ZNF385D: variants seen among roughly 807,000 people sequenced by gnomAD.
ZNF385D encodes zinc finger protein 659.
A neutral mutation model predicts 35.8 loss-of-function variants in ZNF385D; 15 were observed. The observed-to-expected ratio is 0.42, with a 90% CI of 0.28 to 0.64. The LOEUF is 0.64. Among genes scored for constraint, ZNF385D ranks in the 30% least tolerant of loss-of-function variants. The pLI is 0.23. For missense variants in ZNF385D, 474 were observed against 494.6 expected (o/e 0.96, Z 0.39); for synonymous variants, 212 against 186.8 (o/e 1.13, Z -1.10).
At chr3:21,501,611 T>A (rs1163423014) in intron 4 of ZNF385D, among the ~76,000 whole-genome samples, 3 of 152,256 alleles carry the variant, frequency 2.0e-5, no homozygotes, top group African/African-American at 7.2e-5. Context: ...ATTGTCTGCA[T>A]GTTTTCATAG....
intron 3 of ZNF385D, among the ~76,000 whole-genome samples, chr3:22,119,073 T>C (rs187892810): frequency 2.6e-5 from 4 of 152,222 alleles, no homozygotes; most frequent in African/African-American, 7.2e-5. Context: ...AGGAATCAAG[T>C]CCAGATTAAC....
intron 3 of ZNF385D, among the ~76,000 whole-genome samples, chr3:21,925,878 C>A (rs775321185): frequency 2.0e-5 from 3 of 152,108 alleles, no homozygotes; most frequent in African/African-American, 4.8e-5. Context: ...AATGAAAAGG[C>A]ATTTAGCATC....
intron 3 of ZNF385D, among the ~76,000 whole-genome samples, chr3:21,954,776 G>A (rs934318943): frequency 6.6e-6 from 1 of 152,070 alleles, no homozygotes; most frequent in Non-Finnish European, 1.5e-5. Context: ...TTGGAATAAT[G>A]TTAGACATCC....
rs5847128 is a variant in ZNF385D, at chr3:21,703,664, CAA to C, written c.23-38638_23-38637del. ...ATAGCTCATGCTCTTTATCCTCTTA[CAA>C]AAAAAAAAAAATGGCATTCTCCTGT... On this transcript the variant is annotated intron_variant, in intron 1 of 7. Coordinates refer to ENST00000281523, the MANE Select transcript of ZNF385D (RefSeq NM_024697.3). Among the ~76,000 whole-genome samples the C allele has an allele frequency of 8.2e-3, 1,226 of 149,392 alleles. 14 individuals are homozygous for C. Among genetic ancestry groups the C allele is most frequent in the African/African-American group, 0.026 (1,036 of 40,436 alleles).
intron 3 of ZNF385D, among the ~76,000 whole-genome samples, chr3:22,154,906 C>G (rs1705491048): frequency 6.6e-6 from 1 of 152,100 alleles, no homozygotes; most frequent in East Asian, 1.9e-4. Flanking sequence ...TCAAAAGGAG[C>G]ATGATATTAT....
At chr3:22,073,839 C>T (rs1259679918) in intron 3 of ZNF385D, among the ~76,000 whole-genome samples, 1 of 151,906 alleles carries the variant, frequency 6.6e-6, no homozygotes, top group Non-Finnish European at 1.5e-5. Flanking sequence ...TTTATTTATA[C>T]TGAGAAGCAT....
At chr3:21,959,266 A>G (rs1702453151) in intron 3 of ZNF385D, among the ~76,000 whole-genome samples, 1 of 152,198 alleles carries the variant, frequency 6.6e-6, no homozygotes, top group African/African-American at 2.4e-5. Context: ...TAAGAAAAAC[A>G]CACTTCAAAT....
At chr3:21,978,451 C>T (rs746550029) in intron 3 of ZNF385D, among the ~76,000 whole-genome samples, 1 of 152,150 alleles carries the variant, frequency 6.6e-6, no homozygotes, top group Non-Finnish European at 1.5e-5. Context: ...AAACATAACC[C>T]AGGAACTATG....
intron 3 of ZNF385D, among the ~76,000 whole-genome samples, chr3:21,912,771 T>A (rs1232741471): frequency 6.6e-6 from 1 of 152,074 alleles, no homozygotes; most frequent in East Asian, 1.9e-4. Flanking sequence ...CATTTGGACC[T>A]TCTTAGAAAA....
rs913926880 is a variant in ZNF385D, at chr3:21,781,525, A to C, written c.326-116497T>G. Among the ~76,000 whole-genome samples the C allele has an allele frequency of 3.3e-5, 5 of 152,180 alleles. No individual in the cohort carries two copies. The East Asian group carries it at 7.7e-4, about 24-fold the overall frequency. On this transcript the variant is annotated intron_variant, in intron 3 of 5. Coordinates refer to the ZNF385D transcript ENST00000494108. ...TGTGTCATATTTTGAGAAAACAAAT[A>C]ATTCTTTATGGAAAGCTTTTTTGAA...
chr3:22,150,972 C>G (rs915591005), intron 3 of ZNF385D, among the ~76,000 whole-genome samples: 3 of 151,988 alleles, frequency 2.0e-5, no homozygotes, highest in Non-Finnish European at 4.4e-5. Flanking sequence ...TCAGATTGGC[C>G]CAAGACCCAG....
At chr3:22,058,153 G>T (rs1317077154) in intron 3 of ZNF385D, among the ~76,000 whole-genome samples, 3 of 151,960 alleles carry the variant, frequency 2.0e-5, no homozygotes, top group African/African-American at 7.2e-5. Flanking sequence ...TTAAAGTATT[G>T]GTAACTCATA....
chr3:21,477,996 G>A (rs1322594222), intron 4 of ZNF385D, among the ~76,000 whole-genome samples: 1 of 152,070 alleles, frequency 6.6e-6, no homozygotes, highest in Non-Finnish European at 1.5e-5. Flanking sequence ...GAATCTTCAG[G>A]AATGTGCATT....
chr3:21,691,619 T>C (rs1421385688), intron 1 of ZNF385D, among the ~76,000 whole-genome samples: 1 of 152,182 alleles, frequency 6.6e-6, no homozygotes, highest in Non-Finnish European at 1.5e-5. Context: ...CAAGATTGTG[T>C]GTAGCTATTT....
chr3:21,772,195 G>T (rs894828261), intron 3 of ZNF385D, among the ~76,000 whole-genome samples: 1 of 151,802 alleles, frequency 6.6e-6, no homozygotes. Flanking sequence ...TCACAGAAAA[G>T]GCATAGGAAA....
At chr3:21,791,946 G>A (rs1240657586) in intron 3 of ZNF385D, among the ~76,000 whole-genome samples, 1 of 152,068 alleles carries the variant, frequency 6.6e-6, no homozygotes, top group Non-Finnish European at 1.5e-5. Context: ...TCTTGGCTAG[G>A]ATGGTCTCGA....
At chr3:21,648,674 A>G (rs567318228) in intron 2 of ZNF385D, among the ~76,000 whole-genome samples, 100 of 152,276 alleles carry the variant, frequency 6.6e-4, no homozygotes, top group African/African-American at 2.3e-3. Context: ...ATATCCCATA[A>G]TAGGAATTCA....
intron 3 of ZNF385D, among the ~76,000 whole-genome samples, chr3:21,802,069 G>A (rs1283092746): frequency 6.6e-6 from 1 of 152,110 alleles, no homozygotes; most frequent in Admixed American, 6.6e-5. Context: ...ACATCTCACA[G>A]TGGACAATAA....
intron 3 of ZNF385D, among the ~76,000 whole-genome samples, chr3:21,784,969 TG>T (rs1213614480): frequency 1.3e-5 from 2 of 152,164 alleles, no homozygotes; most frequent in African/African-American, 4.8e-5. Flanking sequence ...CTGTTGTTTT[TG>T]GTGACCCCTT....
Sources: gnomAD v4.1 joint callset for allele counts (sites outside exome capture counted in the v4.1 genomes callset) on GRCh38, gnomAD v4.1.1 for gene constraint, MANE v1.5 for transcripts, NCBI Gene and HGNC (gene_info 2026-07-23, HGNC 2026-07-21) for gene names.